Variants in FAM149A observed in about 807,000 individuals in gnomAD.
FAM149A encodes the protein family with sequence similarity 149 member A.
FAM149A carries 71 observed loss-of-function variants against 78.2 expected under a neutral mutation model. The observed-to-expected ratio is 0.91, with a 90% CI of 0.75 to 1.11. FAM149A has a LOEUF of 1.11. FAM149A is among the 50% of genes least tolerant of loss of function. The pLI, the probability that FAM149A is intolerant of heterozygous loss-of-function variation, is 0.00. For missense variants in FAM149A, 1,036 were observed against 971.0 expected (o/e 1.07, Z -0.89); for synonymous variants, 446 against 410.5 (o/e 1.09, Z -1.04).
At chr4:186,136,976 T>TCTCTCTCTCTTTCTCTCTCTCTCTCTCTC in intron 1 of FAM149A, among the ~76,000 whole-genome samples, 1 of 72,118 alleles carries the variant, frequency 1.4e-5, no homozygotes, top group African/African-American at 6.1e-5. Flanking sequence ...CTCTCTCTCT[T>TCTCTCTCTCTTTCTCTCTCTCTCTCTCTC]TCTCTCTCTC....
rs539464483 is a variant in FAM149A, at chr4:186,155,491, C to A, written c.1230-509C>A. Among the ~76,000 whole-genome samples the A allele has an allele frequency of 4.6e-5, 7 of 152,142 alleles. No individual in the cohort carries two copies. In the East Asian group the frequency reaches 1.4e-3, roughly 29 times the overall value. On this transcript the variant is annotated intron_variant, in intron 6 of 13. Transcript: ENST00000389354. The stretch of plus-strand genomic sequence containing the variant: ...TATGTGTAAACTAAACAACCTGCTC[C>A]TCAACAACCAGGCAGTAGGTCAAAG...
In FAM149A at chr4:186,104,998, C is replaced by T. The variant is rs2099308189; in HGVS notation, c.-79C>T. ...TGCGGGGACCTCAGGCTCCTCGCCC[C>T]GGCCCGGGCCGCCTCGGCCGGATCT... is the stretch of plus-strand genomic sequence containing the variant. On this transcript the variant is annotated 5_prime_UTR_variant, in exon 1 of 14. Transcript: ENST00000389354. 4.1e-6 allele frequency: 5 copies of T among 1,231,144 alleles called. No individual in the cohort carries two copies. Among genetic ancestry groups the T allele is most frequent in the Non-Finnish European group, 5.2e-6 (5 of 963,514 alleles). 76.3% of individuals were successfully genotyped at this position (1,231,144 alleles called of 1,614,324 possible).
Position 186,105,522 on chromosome 4 carries a change from C to T in FAM149A, c.446C>T (p.Pro149Leu), listed in dbSNP as rs762984958. 3.5e-6 allele frequency: 4 copies of T among 1,155,222 alleles called. No homozygotes were observed. Among genetic ancestry groups the T allele is most frequent in the Non-Finnish European group, 4.3e-6 (4 of 931,960 alleles). The allele number at this position is 1,155,222 out of a possible 1,614,324, so 71.6% of individuals were successfully genotyped here. A position where few individuals can be genotyped will look rare whatever the true frequency, so the allele number is the denominator to read the frequency against. Residue 149 changes from proline (P) to leucine (L), a missense_variant, in exon 1 of 14, where the codon CCC (proline) becomes CTC (leucine). Physicochemically the swap from Pro to Leu is moderately conservative, Grantham distance 98 (BLOSUM62 -3). Coordinates refer to ENST00000389354, the MANE Select transcript of FAM149A (RefSeq NM_001367768.3). ...CCCAGGAACCCGCTCCAGCCTGGCC[C>T]CGGAGAGCGAGAGCTCGGCGCCTGC... is the stretch of plus-strand genomic sequence containing the variant.
intron 1 of FAM149A, among the ~76,000 whole-genome samples, chr4:186,130,521 A>AT (rs11378408): frequency 0.24 from 34,855 of 144,694 alleles, 4,484 homozygotes; most frequent in East Asian, 0.5. Flanking sequence ...CATGCCTGGC[A>AT]TTTTTTTTTT....
rs572597544 is a variant in FAM149A, at chr4:186,135,777, A to G, written c.567-13396A>G. 7.2e-5 allele frequency among the ~76,000 whole-genome samples: 11 copies of G among 152,314 alleles called. No individual in the cohort carries two copies. In the South Asian group the frequency reaches 2.3e-3, roughly 32 times the overall value. ...CAGCCAGATCACCCACAACAAGCAC[A>G]ACAATTTGGAAGACCTGTGACAGCA... On this transcript the variant is annotated intron_variant, in intron 1 of 13. Transcript: ENST00000389354.
At position 186,173,732 on chromosome 4, in the gene FAM149A, A is replaced by G; in HGVS notation, c.*1745A>G. Among the ~76,000 whole-genome samples the G allele has an allele frequency of 1.8e-5, 2 of 112,808 alleles. 1 individual carries two copies. Among genetic ancestry groups the G allele is most frequent in the Non-Finnish European group, 4.5e-5 (2 of 44,694 alleles). 74.0% of individuals were successfully genotyped at this position (112,808 alleles called of 152,430 possible). ...AGCAGCAGCAGCGACCACCAGGTCC[A>G]TGCCTCTTTTCCGTGGTCACAGCTC... On this transcript the variant is annotated 3_prime_UTR_variant, in exon 14 of 14. Transcript: ENST00000389354.
chr4:186,160,693 C>T (rs983649344), intron 8 of FAM149A: 15 of 610,926 alleles, frequency 2.5e-5, no homozygotes, highest in Non-Finnish European at 3.0e-5. Context: ...TTCACACATA[C>T]CACACACACT....
rs182205568 is a variant in FAM149A at position 186,149,176 on chromosome 4, A to G, written c.570A>G (p.Arg190=). 740 of 1,282,942 alleles carry G rather than the reference A, an allele frequency of 5.8e-4. No individual in the cohort carries two copies. The Middle Eastern group carries it at 7.9e-3, about 14-fold the overall frequency. 79.5% of individuals were successfully genotyped at this position (1,282,942 alleles called of 1,614,324 possible). The change falls in exon 2 of 14, where the codon AGA becomes AGG. Residue 190 remains arginine, a synonymous_variant. Coordinates refer to ENST00000389354, the MANE Select transcript of FAM149A (RefSeq NM_001367768.3). Reference sequence around the variant, plus strand: ...TCATGTTTTATTTTATTTCCAGAAGAGGACTGTCAGAAGGACGTAGAAGGC... The same window carrying G: ...TCATGTTTTATTTTATTTCCAGAAGGGGACTGTCAGAAGGACGTAGAAGGC...
At position 186,154,569 on chromosome 4, in the gene FAM149A, C is replaced by A; in HGVS notation, c.1160C>A (p.Ser387Tyr). Residue 387 changes from serine to tyrosine, a missense_variant, in exon 6 of 14, where the codon TCC becomes TAC. Physicochemically the swap from Ser to Tyr is moderately radical, Grantham distance 144. Coordinates refer to ENST00000389354, the MANE Select transcript of FAM149A (RefSeq NM_001367768.3). ...GTTGCTGACCTAACGGCACGTTCAT[C>A]CCTGGAAGAAGAGGTTTACCATGTG... 3 of 1,614,078 alleles carry A rather than the reference C, an allele frequency of 1.9e-6. No homozygotes were observed. Among genetic ancestry groups the A allele is most frequent in the Non-Finnish European group, 2.5e-6 (3 of 1,180,010 alleles).
In FAM149A at chr4:186,157,673, C is replaced by G. The variant is rs764524440; in HGVS notation, c.1529C>G (p.Ala510Gly). 2.5e-6 allele frequency: 4 copies of G among 1,613,810 alleles called. No homozygotes were observed. In the African/African-American group the frequency reaches 5.3e-5, roughly 22 times the overall value. Residue 510 changes from alanine (A) to glycine (G), a missense_variant, in exon 8 of 14, where the codon GCC becomes GGC. By Grantham distance (60) the Ala-to-Gly change is moderately conservative. This residue lies in a region of FAM149A where 716 missense variants were observed against 711.8 expected (regional missense o/e 1.01). Coordinates refer to ENST00000389354, the MANE Select transcript of FAM149A (RefSeq NM_001367768.3). The stretch of plus-strand genomic sequence containing the variant: ...GCCAGTGGCCCCCCGTCCGGACACG[C>G]CGAGGCTCACGGCATCTCCCTGGCT...
At chr4:186,171,410 C>T (rs930804658) in intron 13 of FAM149A, among the ~76,000 whole-genome samples, 2 of 152,136 alleles carry the variant, frequency 1.3e-5, no homozygotes, top group African/African-American at 2.4e-5. Context: ...GGTTTGTTTT[C>T]TTTTTCTCTG....
At chr4:186,111,500 G>C (rs1453415484) in intron 1 of FAM149A, among the ~76,000 whole-genome samples, 1 of 152,038 alleles carries the variant, frequency 6.6e-6, no homozygotes, top group Non-Finnish European at 1.5e-5. Flanking sequence ...TAATACCTAG[G>C]TTTTCTTCTA....
At chr4:186,170,503 TA>T (rs1735434776) in intron 13 of FAM149A, among the ~76,000 whole-genome samples, 1 of 152,176 alleles carries the variant, frequency 6.6e-6, no homozygotes, top group Admixed American at 6.5e-5. Context: ...CAAGTTCAGG[TA>T]GGGGTGGCCC....
chr4:186,136,938 C>T (rs1032782416), intron 1 of FAM149A, among the ~76,000 whole-genome samples: 1 of 81,060 alleles, frequency 1.2e-5, no homozygotes, highest in African/African-American at 5.5e-5. Flanking sequence ...ACTGATTGAT[C>T]TCTCTCTCTC....
rs527570468 is a variant in FAM149A, at chr4:186,119,660, G to C, written c.566+14018G>C. Among the ~76,000 whole-genome samples the C allele has an allele frequency of 1.6e-4, 24 of 152,312 alleles. 2 individuals carry two copies. In the South Asian group the frequency reaches 4.8e-3, roughly 30 times the overall value. On this transcript the variant is annotated intron_variant, in intron 1 of 13. Transcript: ENST00000389354. ...GGAACTTCTATATAATGTCAGTCATGAGGATGAGGACACAACTCACCTTGG... is the reference window on the plus strand; with the variant it reads ...GGAACTTCTATATAATGTCAGTCATCAGGATGAGGACACAACTCACCTTGG...
intron 1 of FAM149A, among the ~76,000 whole-genome samples, chr4:186,106,214 C>T (rs1248378460): frequency 2.0e-5 from 3 of 152,082 alleles, no homozygotes; most frequent in Non-Finnish European, 2.9e-5. Context: ...CCCTAGAGCT[C>T]CTGAGAGCTT....
intron 1 of FAM149A, chr4:186,127,824 T>C (rs1358585811): frequency 1.2e-5 from 3 of 244,586 alleles, no homozygotes; most frequent in East Asian, 1.9e-4. Flanking sequence ...TAGCTGGAAC[T>C]ACAGGCCTGA....
chr4:186,158,199 G>A (rs1171304751), intron 8 of FAM149A: 4 of 1,280,266 alleles, frequency 3.1e-6, no homozygotes, highest in South Asian at 2.6e-5. Context: ...GCTGCTGGCC[G>A]CTTCTCTCCT....
In FAM149A at chr4:186,105,523, C is replaced by G. The variant is rs2099308391; in HGVS notation, c.447C>G (p.Pro149=). The change falls in exon 1 of 14, where the codon CCC becomes CCG. Residue 149 remains proline, a synonymous_variant. Transcript: ENST00000389354. ...CCAGGAACCCGCTCCAGCCTGGCCC[C>G]GGAGAGCGAGAGCTCGGCGCCTGCG... The G allele has an allele frequency of 5.2e-6, 6 of 1,153,514 alleles. No homozygotes were observed. Among genetic ancestry groups the G allele is most frequent in the African/African-American group, 5.1e-5 (3 of 58,730 alleles). 71.5% of individuals were successfully genotyped at this position (1,153,514 alleles called of 1,614,324 possible). A position where few individuals can be genotyped will look rare whatever the true frequency, so the allele number is the denominator to read the frequency against.
Sources: allele counts gnomAD v4.1 joint callset (sites outside exome capture counted in the v4.1 genomes callset), GRCh38; gene constraint gnomAD v4.1.1; regional missense constraint gnomAD v4.1.1; transcripts MANE v1.5; gene names NCBI Gene and HGNC (gene_info 2026-07-23, HGNC 2026-07-21).